Variants in SPATA6L observed in about 807,000 individuals in gnomAD.
SPATA6L encodes spermatogenesis associated 6-like protein.
SPATA6L carries 68 observed loss-of-function variants against 49.2 expected under a neutral mutation model. That is an observed-to-expected ratio of 1.38 (90% CI 1.14 to 1.69). The LOEUF (loss-of-function observed/expected upper bound fraction) is 1.69, where lower values mean the gene tolerates loss of function less well. Ranked by LOEUF, SPATA6L falls within the 40% of genes most tolerant of loss-of-function variation. The pLI is 0.00. For synonymous variants in SPATA6L, 198 were observed against 165.7 expected, an observed-to-expected ratio of 1.19 and a Z score of -1.50; for missense variants, 668 against 464.3, an observed-to-expected ratio of 1.44 and a Z score of -4.03.
At chr9:4,626,602 TC>T in intron 5 of SPATA6L, 2 of 1,247,366 alleles carry the variant, frequency 1.6e-6, no homozygotes, top group African/African-American at 3.1e-5. Context: ...ATTTCAGTGT[TC>T]CCCTTTTATC....
At chr9:4,651,880 T>C (rs1836957516) in intron 3 of SPATA6L, among the ~76,000 whole-genome samples, 1 of 152,196 alleles carries the variant, frequency 6.6e-6, no homozygotes, top group Non-Finnish European at 1.5e-5. Flanking sequence ...TTTTCCCTAC[T>C]ATCAGGAAAT....
At chr9:4,648,366 T>A (rs549838830) in intron 3 of SPATA6L, among the ~76,000 whole-genome samples, 1 of 152,302 alleles carries the variant, frequency 6.6e-6, no homozygotes, top group South Asian at 2.1e-4. Context: ...TTTAAAATTT[T>A]TTTATTTCCA....
chr9:4,642,724 A>G (rs1474266642), intron 3 of SPATA6L, among the ~76,000 whole-genome samples: 1 of 151,162 alleles, frequency 6.6e-6, no homozygotes, highest in African/African-American at 2.5e-5. Flanking sequence ...AGCACACACC[A>G]TAAAACATCA....
rs531279558 is a variant in SPATA6L at position 4,619,252 on chromosome 9, G to A, written c.773-354C>T. On this transcript the variant is annotated intron_variant, in intron 7 of 11. Coordinates refer to ENST00000682582, the MANE Select transcript of SPATA6L (RefSeq NM_001353486.2). ...GGCTCACTGCAATCTCCGCCTCCCA[G>A]GTTCAAGAGATTCTCTGCCTCAGCC... Among the ~76,000 whole-genome samples, 7 of 148,272 alleles carry A rather than the reference G, an allele frequency of 4.7e-5. No homozygotes were observed. The East Asian group carries it at 1.4e-3, about 29-fold the overall frequency.
rs867462678 is a variant in SPATA6L at position 4,607,046 on chromosome 9, G to A, written c.996-1606C>T. Among the ~76,000 whole-genome samples, 43 of 150,896 alleles carry A rather than the reference G, an allele frequency of 2.8e-4. 1 individual carries two copies. The highest frequency in any genetic ancestry group is 3.4e-3 in the Middle Eastern group (1 of 294). ...ATCAACTGGAAGAAAGGGTATCAGC[G>A]ATGGAAGATGAAATGAATGAAATGA... is the stretch of plus-strand genomic sequence containing the variant. On this transcript the variant is annotated intron_variant, in intron 9 of 11. Transcript: ENST00000682582.
intron 9 of SPATA6L, among the ~76,000 whole-genome samples, chr9:4,609,340 C>G (rs1018096659): frequency 5.9e-5 from 9 of 151,990 alleles, no homozygotes; most frequent in African/African-American, 1.9e-4. Flanking sequence ...AGAGACACAA[C>G]CAAAAAAGAG....
rs1832533491 is a variant in SPATA6L at position 4,635,171 on chromosome 9, A to AG, written c.351+103dup. The AG allele has an allele frequency of 2.4e-6, 3 of 1,250,392 alleles. No homozygotes were observed. The African/African-American group carries it at 4.8e-5, about 20-fold the overall frequency. The allele number at this position is 1,250,392 out of a possible 1,614,324, so 77.5% of individuals were successfully genotyped here. ...AAACAGAGCTACTAAACAGAACAGC[A>AG]GGGGTACTAACCAAGATAAAGATCA... On this transcript the variant is annotated intron_variant, in intron 4 of 11. Coordinates refer to ENST00000682582, the MANE Select transcript of SPATA6L (RefSeq NM_001353486.2).
chr9:4,627,270 AT>A (rs1830528941), intron 5 of SPATA6L: 1 of 154,120 alleles, frequency 6.5e-6, no homozygotes. Flanking sequence ...ACACTGAAAA[AT>A]TGCTATGAAC....
At chr9:4,656,763 A>C (rs562743657) in intron 2 of SPATA6L, among the ~76,000 whole-genome samples, 1 of 152,350 alleles carries the variant, frequency 6.6e-6, no homozygotes, top group East Asian at 1.9e-4. Flanking sequence ...ATCTTAAATC[A>C]ACCCCAGAGT....
At chr9:4,602,296 C>T (rs1307719601) in intron 11 of SPATA6L, among the ~76,000 whole-genome samples, 1 of 152,102 alleles carries the variant, frequency 6.6e-6, no homozygotes, top group Non-Finnish European at 1.5e-5. Context: ...GTATAACCAC[C>T]TAAATAATTG....
chr9:4,644,773 A>G (rs1834968169), intron 3 of SPATA6L, among the ~76,000 whole-genome samples: 1 of 151,842 alleles, frequency 6.6e-6, no homozygotes, highest in Non-Finnish European at 1.5e-5. Flanking sequence ...CTGAAAGGCT[A>G]TTTATGAGAA....
chr9:4,634,122 G>C (rs1042139072), intron 4 of SPATA6L, among the ~76,000 whole-genome samples: 2 of 152,138 alleles, frequency 1.3e-5, no homozygotes, highest in East Asian at 1.9e-4. Context: ...TTGATACTTG[G>C]CTGGATACCA....
intron 9 of SPATA6L, among the ~76,000 whole-genome samples, chr9:4,610,729 A>C (rs1476678431): frequency 2.0e-5 from 3 of 151,618 alleles, no homozygotes; most frequent in Non-Finnish European, 3.0e-5. Flanking sequence ...TTCAGGACAT[A>C]GGCATGGGCA....
At position 4,609,413 on chromosome 9, in the gene SPATA6L, C is replaced by G. The variant is rs535889026; in HGVS notation, c.996-3973G>C. On this transcript the variant is annotated intron_variant, in intron 9 of 11. Coordinates refer to ENST00000682582, the MANE Select transcript of SPATA6L (RefSeq NM_001353486.2). Reference sequence around the variant, plus strand: ...AATTCCCCAAAAAATACTGGCAAAACGAATCCAGCAGCACATCAAAAAGCT... The same window carrying G: ...AATTCCCCAAAAAATACTGGCAAAAGGAATCCAGCAGCACATCAAAAAGCT... 7.9e-5 allele frequency among the ~76,000 whole-genome samples: 12 copies of G among 152,234 alleles called. No individual in the cohort carries two copies. The South Asian group carries it at 2.1e-3, about 26-fold the overall frequency.
rs1828386612 is a variant in SPATA6L at position 4,617,931 on chromosome 9, G to T, written c.987C>A (p.Leu329=). ...GGGTGCTTGCCACTGACCTTTCTCT[G>T]AGAAGGGGCTGATCCAAGGGGCCAG... ...TSPGPLDQPL[L]RERFHPGSQS... is the part of the protein sequence containing the mutation. The change falls in exon 9 of 12, where the codon CTC becomes CTA. Residue 329 remains leucine (L), a synonymous_variant. Coordinates refer to ENST00000682582, the MANE Select transcript of SPATA6L (RefSeq NM_001353486.2). 1.2e-6 allele frequency: 2 copies of T among 1,609,286 alleles called. No homozygotes were observed. Among genetic ancestry groups the T allele is most frequent in the Non-Finnish European group, 1.7e-6 (2 of 1,177,388 alleles).
chr9:4,605,763 C>T (rs1055489590), intron 9 of SPATA6L, among the ~76,000 whole-genome samples: 1 of 152,198 alleles, frequency 6.6e-6, no homozygotes, highest in Admixed American at 6.5e-5. Context: ...AAATTTTAAT[C>T]TAAAACTTTT....
chr9:4,654,193 T>A lies in SPATA6L; in HGVS notation c.226+1848A>T, dbSNP rs113185509. Among the ~76,000 whole-genome samples the A allele has an allele frequency of 8.2e-3, 1,248 of 152,304 alleles. 12 individuals carry two copies. Among genetic ancestry groups the A allele is most frequent in the African/African-American group, 0.028 (1,166 of 41,554 alleles). On this transcript the variant is annotated intron_variant, in intron 3 of 11. Coordinates refer to ENST00000682582, the MANE Select transcript of SPATA6L (RefSeq NM_001353486.2). ...GTGGGAAAATGGAACCCTCATACAT[T>A]GCTGGTGGGATGTAAAATGATTCAG...
At chr9:4,652,518 C>G (rs1039575228) in intron 3 of SPATA6L, among the ~76,000 whole-genome samples, 1 of 152,030 alleles carries the variant, frequency 6.6e-6, no homozygotes, top group African/African-American at 2.4e-5. Context: ...CCAAAAAATG[C>G]AACACTTGTA....
chr9:4,660,601 A>G (rs1442077762), intron 2 of SPATA6L, among the ~76,000 whole-genome samples: 1 of 152,240 alleles, frequency 6.6e-6, no homozygotes, highest in Admixed American at 6.5e-5. Flanking sequence ...AACTAGTTCA[A>G]CCCATGTGGA....
Sources: allele counts gnomAD v4.1 joint callset (sites outside exome capture counted in the v4.1 genomes callset), GRCh38; gene constraint gnomAD v4.1.1; transcripts MANE v1.5; gene names NCBI Gene and HGNC (gene_info 2026-07-23, HGNC 2026-07-21).